The following EIF2AK4 variants were observed in gnomAD, a reference collection of about 807,000 sequenced individuals.
EIF2AK4 encodes the protein eIF-2-alpha kinase GCN2.
EIF2AK4 carries 139 observed loss-of-function variants against 211.1 expected under a neutral mutation model. That is an observed-to-expected ratio of 0.66 (90% confidence interval 0.57 to 0.76). The LOEUF (loss-of-function observed/expected upper bound fraction) is 0.76. Ranked by LOEUF, EIF2AK4 falls within the 30% of genes least tolerant of loss-of-function variation. The pLI, the probability that EIF2AK4 is intolerant of heterozygous loss-of-function variation, is 0.00. For missense variants in EIF2AK4, 1,664 were observed against 2,043.8 expected, an observed-to-expected ratio of 0.81 and a Z score of 3.58; for synonymous variants, 710 against 751.3, an observed-to-expected ratio of 0.94 and a Z score of 0.90.
intron 37 of EIF2AK4, among the ~76,000 whole-genome samples, chr15:40,033,024 TAAAAACAAAAAAC>T (rs1244989717): frequency 1.3e-5 from 2 of 152,152 alleles, no homozygotes; most frequent in African/African-American, 2.4e-5. Flanking sequence ...CTTATTTTAT[TAAAAACAAAAAAC>T]AAAAACAAAA....
chr15:39,943,351 C>CTTTTTT (rs5812147), intron 2 of EIF2AK4, 32 bp from the exon 3 acceptor site: 11 of 864,050 alleles, frequency 1.3e-5, no homozygotes, highest in African/African-American at 2.3e-5. Context: ...TGGAGTAACT[C>CTTTTTT]TTTTTTTTTT....
chr15:40,023,909 A>G (rs994143410), intron 32 of EIF2AK4, among the ~76,000 whole-genome samples: 2 of 152,214 alleles, frequency 1.3e-5, no homozygotes, highest in Admixed American at 1.3e-4. Context: ...AATTCAGCCC[A>G]TAGCCTGCTT....
intron 18 of EIF2AK4, 47 bp downstream of exon 18, chr15:39,992,895 G>A (rs762625920): frequency 5.7e-6 from 9 of 1,567,230 alleles, no homozygotes; most frequent in Non-Finnish European, 7.9e-6. Flanking sequence ...AAGGTAATAG[G>A]ACATCTAGAT....
intron 19 of EIF2AK4, among the ~76,000 whole-genome samples, chr15:39,997,927 G>C (rs1440730208): frequency 2.0e-5 from 3 of 152,140 alleles, no homozygotes; most frequent in Non-Finnish European, 2.9e-5. Context: ...AGTGAAGCAG[G>C]AATATTTATT....
rs763314240 is a variant in EIF2AK4 at position 39,955,616 on chromosome 15, C to T, written c.595-4C>T. 1.2e-6 allele frequency: 2 copies of T among 1,600,418 alleles called. No individual in the cohort carries two copies. The highest frequency in any genetic ancestry group is 1.8e-5 in the Admixed American group (1 of 56,636). ...TAAAGTAAGTTTTACTTTTCTTGTT[C>T]TAGGAACGTTTGGAAATTGCTAGTT... is the stretch of plus-strand genomic sequence containing the variant. On this transcript the variant is annotated splice_region_variant and splice_polypyrimidine_tract_variant and intron_variant, in intron 5 of 38. Transcript: ENST00000263791.
chr15:40,014,585 G>A (rs1022546843), intron 27 of EIF2AK4, among the ~76,000 whole-genome samples: 1 of 152,242 alleles, frequency 6.6e-6, no homozygotes, highest in Non-Finnish European at 1.5e-5. Context: ...GGGGGGCCCT[G>A]GGGCCAGCCC....
chr15:39,939,970 TAG>T (rs1313603141), intron 2 of EIF2AK4, among the ~76,000 whole-genome samples: 2 of 152,212 alleles, frequency 1.3e-5, no homozygotes, highest in Non-Finnish European at 2.9e-5. Context: ...CTTGCATAGT[TAG>T]AGTGTGGCTG....
At position 39,976,852 on chromosome 15, in the gene EIF2AK4, C is replaced by G. The variant is rs748455296; in HGVS notation, c.2249+8C>G. On this transcript the variant is annotated splice_region_variant and intron_variant, in intron 12 of 38. Transcript: ENST00000263791. ...CTTCTCCCAGTCCTTCCTGTAAGCG[C>G]ACGGCGCGGACCAGCTGCCTCTGAT... is the stretch of plus-strand genomic sequence containing the variant. 6 of 1,497,172 alleles carry G rather than the reference C, an allele frequency of 4.0e-6. No individual in the cohort carries two copies. The highest frequency in any genetic ancestry group is 5.3e-6 in the Non-Finnish European group (6 of 1,125,752). The allele number at this position is 1,497,172 out of a possible 1,614,324, so 92.7% of individuals were successfully genotyped here. A position where few individuals can be genotyped will look rare whatever the true frequency, so the allele number is the denominator to read the frequency against.
intron 6 of EIF2AK4, among the ~76,000 whole-genome samples, chr15:39,957,817 A>G (rs1238236775): frequency 2.0e-5 from 3 of 152,292 alleles, no homozygotes; most frequent in South Asian, 4.2e-4. Flanking sequence ...AGCCTCTTTA[A>G]CCAGGGCAGT....
At chr15:40,030,023 T>C (rs1354403252) in intron 34 of EIF2AK4, among the ~76,000 whole-genome samples, 1 of 152,248 alleles carries the variant, frequency 6.6e-6, no homozygotes, top group East Asian at 1.9e-4. Context: ...TTCCAATTCT[T>C]GCAGGAATTT....
chr15:39,943,082 C>T (rs894672922), intron 2 of EIF2AK4, among the ~76,000 whole-genome samples: 1 of 150,882 alleles, frequency 6.6e-6, no homozygotes, highest in Non-Finnish European at 1.5e-5. Context: ...CAGGTCAAAT[C>T]GTAGGAAATA....
chr15:39,937,710 T>TA (rs1566978997), intron 1 of EIF2AK4, among the ~76,000 whole-genome samples: 1 of 152,132 alleles, frequency 6.6e-6, no homozygotes, highest in Admixed American at 6.5e-5. Flanking sequence ...CAAATAAAGA[T>TA]ATAAGTAGGT....
intron 3 of EIF2AK4, among the ~76,000 whole-genome samples, chr15:39,945,744 T>C (rs2140900179): frequency 6.6e-6 from 1 of 152,358 alleles, no homozygotes; most frequent in East Asian, 1.9e-4. Flanking sequence ...ACAGACTGAC[T>C]CGCTTGTTAG....
intron 29 of EIF2AK4, 42 bp downstream of exon 29, chr15:40,017,284 A>C: frequency 6.4e-7 from 1 of 1,561,810 alleles, no homozygotes; most frequent in Non-Finnish European, 8.7e-7. Flanking sequence ...ACTTAATTTT[A>C]TTTCTTCTAA....
intron 3 of EIF2AK4, among the ~76,000 whole-genome samples, chr15:39,944,804 C>G (rs563066530): frequency 9.8e-5 from 15 of 152,320 alleles, no homozygotes; most frequent in Admixed American, 5.9e-4. Flanking sequence ...TTTTATTAGA[C>G]ATAACCAAAG....
Position 40,020,923 on chromosome 15 carries a change from C to T in EIF2AK4, c.4198C>T (p.Leu1400=). ...GGTTACAATAAGCTCTTGTGACCTC[C>T]TGGTTGTAAGTGTTGGCCAGATGTC... ...ESVTISSCDL[L]VVSVGQMSMS... The change falls in exon 31 of 39, where the codon CTG becomes TTG. Residue 1400 remains leucine, a synonymous_variant. Transcript: ENST00000263791. The T allele has an allele frequency of 6.2e-7, 1 of 1,612,038 alleles. No individual in the cohort carries two copies. Among genetic ancestry groups the T allele is most frequent in the Non-Finnish European group, 8.5e-7 (1 of 1,179,014 alleles).
Position 40,017,501 on chromosome 15 carries a change from CTATA to C in EIF2AK4, c.4065+309_4065+312del, listed in dbSNP as rs202237104. 2.7e-3 allele frequency among the ~76,000 whole-genome samples: 71 copies of C among 26,068 alleles called. 1 individual carries two copies. The highest frequency in any genetic ancestry group is 0.021 in the Middle Eastern group (1 of 48). The allele number at this position is 26,068 out of a possible 152,430, so 17.1% of individuals were successfully genotyped here. A position where few individuals can be genotyped will look rare whatever the true frequency, so the allele number is the denominator to read the frequency against. ...GGCTCATGTACCCTTTACTCTGTTT[CTATA>C]TATATATATATATATATATATATAT... On this transcript the variant is annotated intron_variant, in intron 29 of 38. Coordinates refer to ENST00000263791, the MANE Select transcript of EIF2AK4 (RefSeq NM_001013703.4).
chr15:39,992,362 T>C, intron 17 of EIF2AK4, 133 bp downstream of exon 17: 1 of 642,346 alleles, frequency 1.6e-6, no homozygotes, highest in Non-Finnish European at 2.5e-6. Context: ...AACAAAATTA[T>C]GGAAACGTTT....
chr15:39,967,625 G>T lies in EIF2AK4; in HGVS notation c.1299G>T (p.Val433=). ...HKVLSASNVL[V]DAEGTVKITD... ...TCCTGAGTGCATCTAATGTCTTGGT[G>T]GATGCAGAAGGCACCGTCAAGATTA... The change falls in exon 9 of 39, where the codon GTG becomes GTT. Residue 433 remains valine (V), a synonymous_variant. Transcript: ENST00000263791. The T allele has an allele frequency of 6.2e-7, 1 of 1,614,132 alleles. No individual in the cohort carries two copies. Among genetic ancestry groups the T allele is most frequent in the Non-Finnish European group, 8.5e-7 (1 of 1,180,028 alleles).
Sources: gnomAD v4.1 joint callset for allele counts (sites outside exome capture counted in the v4.1 genomes callset) on GRCh38, gnomAD v4.1.1 for gene constraint, MANE v1.5 for transcripts, NCBI Gene and HGNC (gene_info 2026-07-23, HGNC 2026-07-21) for gene names.